DCDC2: variants seen among roughly 807,000 people sequenced by gnomAD.
DCDC2 encodes the protein doublecortin domain-containing protein 2.
In DCDC2, 40 loss-of-function variants were observed where a neutral mutation model predicts 50.2. That is an observed-to-expected ratio of 0.80 (90% CI 0.62 to 1.04). The LOEUF is 1.04. DCDC2 is among the 50% of genes least tolerant of loss of function. The pLI is 0.00. For synonymous variants in DCDC2, 234 were observed against 210.6 expected, an observed-to-expected ratio of 1.11 and a Z score of -0.96; for missense variants, 570 against 581.9, an observed-to-expected ratio of 0.98 and a Z score of 0.21.
chr6:24,240,717 A>G (rs1762547140), intron 7 of DCDC2, among the ~76,000 whole-genome samples: 1 of 152,226 alleles, frequency 6.6e-6, no homozygotes, highest in Non-Finnish European at 1.5e-5. Context: ...CGCTGTGGTC[A>G]GAAACAAGAG....
chr6:24,257,673 T>C (rs940498818), intron 7 of DCDC2, among the ~76,000 whole-genome samples: 3 of 150,720 alleles, frequency 2.0e-5, no homozygotes, highest in African/African-American at 7.4e-5. Context: ...GTAGGGAGGC[T>C]TGTGGAAGAC....
At position 24,173,878 on chromosome 6, in the gene DCDC2, T is replaced by G. The variant is rs1052302596; in HGVS notation, c.*852A>C. On this transcript the variant is annotated 3_prime_UTR_variant, in exon 10 of 10. Transcript: ENST00000378454. ...TTGTTGAAAACTATTTGAAAATAATTTAATCTTTGGAATAGCCAATATCAG... is the reference window on the plus strand; with the variant it reads ...TTGTTGAAAACTATTTGAAAATAATGTAATCTTTGGAATAGCCAATATCAG... 1 of 152,246 alleles carries G rather than the reference T, an allele frequency of 6.6e-6. No individual in the cohort carries two copies. Among genetic ancestry groups the G allele is most frequent in the East Asian group, 1.9e-4 (1 of 5,208 alleles). 9.4% of individuals were successfully genotyped at this position (152,246 alleles called of 1,614,324 possible). A position where few individuals can be genotyped will look rare whatever the true frequency, so the allele number is the denominator to read the frequency against.
intron 2 of DCDC2, among the ~76,000 whole-genome samples, chr6:24,329,178 T>A (rs1759925257): frequency 6.6e-6 from 1 of 152,166 alleles, no homozygotes; most frequent in Non-Finnish European, 1.5e-5. Context: ...TTTGGAGAGA[T>A]GATTCAGGCT....
At chr6:24,381,718 G>C in the DCDC2 span, among the ~76,000 whole-genome samples, 1 of 151,744 alleles carries the variant, frequency 6.6e-6, no homozygotes, top group Admixed American at 6.6e-5. Context: ...GCTGAGGCAG[G>C]AGCAACACTT....
chr6:24,301,670 C>T, intron 4 of DCDC2, 45 bp downstream of exon 4: 1 of 1,605,238 alleles, frequency 6.2e-7, no homozygotes, highest in Non-Finnish European at 8.5e-7. Context: ...AGAATATCTT[C>T]AACAATTCAA....
At chr6:24,373,903 C>A in the DCDC2 span, among the ~76,000 whole-genome samples, 1 of 151,780 alleles carries the variant, frequency 6.6e-6, no homozygotes, top group Non-Finnish European at 1.5e-5. Context: ...TGGCTCACGC[C>A]TGTAATCCCA....
the DCDC2 span, among the ~76,000 whole-genome samples, chr6:24,374,568 G>T: frequency 2.8e-5 from 2 of 71,556 alleles, no homozygotes; most frequent in South Asian, 6.9e-4. Flanking sequence ...GACACAGCAA[G>T]ACTCCATCCA....
At chr6:24,259,904 TC>T (rs1188249744) in intron 7 of DCDC2, among the ~76,000 whole-genome samples, 2 of 152,210 alleles carry the variant, frequency 1.3e-5, no homozygotes, top group Non-Finnish European at 2.9e-5. Flanking sequence ...CACAGTGTTT[TC>T]CCATTTTTAT....
intron 1 of DCDC2, 173 bp downstream of exon 1, chr6:24,357,285 G>A (rs1760487577): frequency 1.5e-6 from 1 of 661,330 alleles, no homozygotes; most frequent in Admixed American, 3.5e-5. Flanking sequence ...TCCAGTCACA[G>A]TGTCAACCTC....
At chr6:24,238,802 G>C (rs781655108) in intron 7 of DCDC2, among the ~76,000 whole-genome samples, 6 of 152,188 alleles carry the variant, frequency 3.9e-5, no homozygotes, top group African/African-American at 9.7e-5. Flanking sequence ...GCCCCATCAG[G>C]AGCAAAGGGT....
At chr6:24,311,247 TC>T (rs1190570290) in intron 2 of DCDC2, among the ~76,000 whole-genome samples, 1 of 152,202 alleles carries the variant, frequency 6.6e-6, no homozygotes, top group Non-Finnish European at 1.5e-5. Flanking sequence ...ATTTCTCTCT[TC>T]CAAAATGCAA....
chr6:24,274,743 A>AT (rs1042445572), intron 7 of DCDC2, among the ~76,000 whole-genome samples: 1 of 152,030 alleles, frequency 6.6e-6, no homozygotes, highest in Non-Finnish European at 1.5e-5. Context: ...AATATCAGAT[A>AT]TTTTTAAAAA....
At chr6:24,341,027 T>G (rs868334475) in intron 2 of DCDC2, among the ~76,000 whole-genome samples, 11 of 152,264 alleles carry the variant, frequency 7.2e-5, no homozygotes, top group Non-Finnish European at 7.4e-5. Flanking sequence ...AACCTGGCCA[T>G]TATCTAAAAA....
intron 7 of DCDC2, among the ~76,000 whole-genome samples, chr6:24,228,291 T>C (rs1038113025): frequency 6.6e-6 from 1 of 152,290 alleles, no homozygotes. Flanking sequence ...CTTGCAGAAA[T>C]TTACTCATTG....
intron 7 of DCDC2, among the ~76,000 whole-genome samples, chr6:24,205,908 G>A (rs886081515): frequency 2.0e-5 from 3 of 152,136 alleles, no homozygotes; most frequent in African/African-American, 7.2e-5. Context: ...CATTCTCACA[G>A]ATGTTTTCTC....
In DCDC2 at chr6:24,353,825, C is replaced by T. The variant is rs545003882; in HGVS notation, c.294-202G>A. Among the ~76,000 whole-genome samples, 16 of 152,276 alleles carry T rather than the reference C, an allele frequency of 1.1e-4. No individual in the cohort carries two copies. The South Asian group carries it at 2.9e-3, about 28-fold the overall frequency. ...CAACCAGAGCTGACATATGTCTACC[C>T]TAAACTTCAAGAGAAGGAAAGTCTT... On this transcript the variant is annotated intron_variant, in intron 1 of 9. Transcript: ENST00000378454.
chr6:24,274,605 C>CAAAAAAAAAAAAAAAAAAAAAAAAAAAAA (rs61569208), intron 7 of DCDC2, among the ~76,000 whole-genome samples: 3 of 82,414 alleles, frequency 3.6e-5, no homozygotes, highest in Non-Finnish European at 6.9e-5. Context: ...GAAACAGAGT[C>CAAAAAAAAAAAAAAAAAAAAAAAAAAAAA]AAAAAAAAAA....
intron 2 of DCDC2, among the ~76,000 whole-genome samples, chr6:24,307,232 T>C (rs1759490148): frequency 6.6e-6 from 1 of 152,030 alleles, no homozygotes; most frequent in South Asian, 2.1e-4. Context: ...CTTGAAAACC[T>C]GGTCCAAAAA....
At position 24,332,681 on chromosome 6, in the gene DCDC2, G is replaced by A. The variant is rs530580052; in HGVS notation, c.348+20888C>T. On this transcript the variant is annotated intron_variant, in intron 2 of 9. Coordinates refer to ENST00000378454, the MANE Select transcript of DCDC2 (RefSeq NM_016356.5). ...TCTTAATAATTGGAACAGTTTGTTT[G>A]TTTTTTTTAAACTAAGCAATTTAAA... 4.6e-5 allele frequency among the ~76,000 whole-genome samples: 7 copies of A among 151,984 alleles called. No individual in the cohort carries two copies. In the South Asian group the frequency reaches 1.0e-3, roughly 23 times the overall value.
Sources: allele counts gnomAD v4.1 joint callset (sites outside exome capture counted in the v4.1 genomes callset), GRCh38; gene constraint gnomAD v4.1.1; transcripts MANE v1.5; gene names NCBI Gene and HGNC (gene_info 2026-07-23, HGNC 2026-07-21).